SBF2: variants seen among roughly 807,000 people sequenced by gnomAD.
SBF2 encodes SET binding factor 2, also known as myotubularin-related protein 13.
In SBF2, 112 loss-of-function variants were observed where a neutral mutation model predicts 225.2. That is an observed-to-expected ratio of 0.50 (90% CI 0.43 to 0.58). The LOEUF (loss-of-function observed/expected upper bound fraction) is 0.58. Among genes scored for constraint, SBF2 ranks in the 20% least tolerant of loss-of-function variants. The probability of loss-of-function intolerance (pLI) is 0.00; values close to 1 mark genes in which losing one functional copy is unlikely to be tolerated. For missense variants in SBF2, 1,996 were observed against 2,206.2 expected, an observed-to-expected ratio of 0.90 and a Z score of 1.91; for synonymous variants, 763 against 773.3, an observed-to-expected ratio of 0.99 and a Z score of 0.22.
rs546414610 is a variant in SBF2 at position 10,001,133 on chromosome 11, A to C, written c.753-111T>G. The C allele has an allele frequency of 4.6e-5, 31 of 666,744 alleles. No homozygotes were observed. The African/African-American group carries it at 5.3e-4, about 11-fold the overall frequency. The allele number at this position is 666,744 out of a possible 1,614,324, so 41.3% of individuals were successfully genotyped here. On this transcript the variant is annotated intron_variant, in intron 7 of 39. Transcript: ENST00000256190. ...TATTACCTATGTTTAGAAATTATCA[A>C]TAATGTTTTCATGCTTTTTAATACT...
intron 12 of SBF2, among the ~76,000 whole-genome samples, chr11:9,992,036 C>A (rs1318784714): frequency 8.6e-5 from 13 of 152,040 alleles, no homozygotes; most frequent in African/African-American, 2.9e-4. Flanking sequence ...ATATTTTAAA[C>A]AACCATTTTT....
intron 12 of SBF2, 63 bp downstream of exon 12, chr11:9,992,352 T>C: frequency 7.2e-7 from 1 of 1,379,506 alleles, no homozygotes; most frequent in Non-Finnish European, 1.0e-6. Flanking sequence ...ATGTTACTTT[T>C]TACTTTTAAC....
intron 2 of SBF2, among the ~76,000 whole-genome samples, chr11:10,140,061 T>C (rs1289384911): frequency 6.6e-6 from 1 of 152,218 alleles, no homozygotes; most frequent in African/African-American, 2.4e-5. Context: ...GAAATATACA[T>C]TTGGTCTTTG....
intron 13 of SBF2, among the ~76,000 whole-genome samples, chr11:9,970,210 ATTT>A (rs1172096180): frequency 7.2e-6 from 1 of 138,800 alleles, no homozygotes. Context: ...CATATATCCT[ATTT>A]TTTTTTTTTT....
intron 2 of SBF2, among the ~76,000 whole-genome samples, chr11:10,112,072 G>T (rs1203987690): frequency 6.6e-6 from 1 of 152,170 alleles, no homozygotes; most frequent in Non-Finnish European, 1.5e-5. Flanking sequence ...ATCAAAGTAT[G>T]AATAAGACCA....
chr11:10,227,561 C>A (rs562783592), intron 1 of SBF2, among the ~76,000 whole-genome samples: 4 of 152,250 alleles, frequency 2.6e-5, no homozygotes, highest in Admixed American at 2.0e-4. Flanking sequence ...TTTCCCAGCA[C>A]CATTTATTAA....
At chr11:9,981,312 A>G (rs1013252510) in intron 13 of SBF2, among the ~76,000 whole-genome samples, 1 of 152,182 alleles carries the variant, frequency 6.6e-6, no homozygotes, top group Non-Finnish European at 1.5e-5. Flanking sequence ...CAGGGGAGGA[A>G]AGGAGTAGGG....
chr11:9,969,703 C>T (rs575214213), intron 13 of SBF2, among the ~76,000 whole-genome samples: 1 of 152,308 alleles, frequency 6.6e-6, no homozygotes, highest in Non-Finnish European at 1.5e-5. Flanking sequence ...ACTCTCTTCC[C>T]CAACACACTC....
At chr11:10,206,870 T>C (rs1240359303) in intron 1 of SBF2, among the ~76,000 whole-genome samples, 1 of 151,584 alleles carries the variant, frequency 6.6e-6, no homozygotes, top group African/African-American at 2.4e-5. Flanking sequence ...TAACAAAAGA[T>C]CCACTATTCA....
At chr11:10,101,152 G>A (rs1008619509) in intron 2 of SBF2, among the ~76,000 whole-genome samples, 9 of 152,000 alleles carry the variant, frequency 5.9e-5, no homozygotes, top group African/African-American at 2.2e-4. Context: ...GGTCACATTC[G>A]GTGAGCCCTG....
chr11:9,900,615 T>C (rs1861646632), intron 16 of SBF2, among the ~76,000 whole-genome samples: 1 of 152,172 alleles, frequency 6.6e-6, no homozygotes, highest in South Asian at 2.1e-4. Context: ...CATTGCTCCA[T>C]CTGTAAGGGT....
intron 16 of SBF2, among the ~76,000 whole-genome samples, chr11:9,904,383 C>T (rs1307063359): frequency 1.3e-5 from 2 of 152,090 alleles, no homozygotes; most frequent in African/African-American, 4.8e-5. Context: ...TAATAAATAG[C>T]TCAATCTACC....
intron 16 of SBF2, chr11:9,961,512 G>A (rs1866565696): frequency 1.3e-5 from 2 of 153,716 alleles, no homozygotes; most frequent in African/African-American, 4.8e-5. Flanking sequence ...AAGCCAAGTG[G>A]AAATTTTGTT....
chr11:9,795,966 C>A lies in SBF2; in HGVS notation c.4444-9G>T. On this transcript the variant is annotated splice_polypyrimidine_tract_variant and intron_variant, in intron 32 of 39. Transcript: ENST00000256190. ...GGATACTGGTTGTGAACCTGAAACA[C>A]ACAAGGCAAAGAAAAGAGTAAGAAT... The A allele has an allele frequency of 3.1e-6, 5 of 1,612,322 alleles. No homozygotes were observed. The East Asian group carries it at 1.1e-4, about 36-fold the overall frequency.
chr11:10,156,089 C>A (rs545518858), intron 2 of SBF2, among the ~76,000 whole-genome samples: 21 of 152,326 alleles, frequency 1.4e-4, no homozygotes, highest in Admixed American at 5.9e-4. Flanking sequence ...CCCAGGAAGC[C>A]CCCCCTATCC....
chr11:10,302,175 C>T (rs1041411945), intron 1 of SBF2, among the ~76,000 whole-genome samples: 4 of 152,230 alleles, frequency 2.6e-5, no homozygotes, highest in Admixed American at 2.6e-4. Context: ...CATAGAACCA[C>T]TGAACCAGAA....
At position 9,829,450 on chromosome 11, in the gene SBF2, T is replaced by C. The variant is rs748526443; in HGVS notation, c.3699A>G (p.Lys1233=). ...LESSSSIEQE[K]YLQALLNAVS... ...CAGCATTCAGTAAGGCTTGCAAGTA[T>C]TTCTCTTGTTCTATGCTACTGGAAG... Residue 1233 remains lysine, a synonymous_variant, in exon 28 of 40, where the codon AAA becomes AAG. Coordinates refer to ENST00000256190, the MANE Select transcript of SBF2 (RefSeq NM_030962.4). The C allele has an allele frequency of 3.1e-6, 5 of 1,613,528 alleles. No individual in the cohort carries two copies. Among genetic ancestry groups the C allele is most frequent in the African/African-American group, 1.3e-5 (1 of 75,044 alleles).
intron 21 of SBF2, among the ~76,000 whole-genome samples, chr11:9,850,919 T>G (rs2133984194): frequency 6.6e-6 from 1 of 152,266 alleles, no homozygotes; most frequent in South Asian, 2.1e-4. Context: ...ATGGATCACC[T>G]GAGGTCAGGA....
At chr11:10,278,341 T>C (rs1211043815) in intron 1 of SBF2, among the ~76,000 whole-genome samples, 4 of 152,206 alleles carry the variant, frequency 2.6e-5, no homozygotes, top group Non-Finnish European at 5.9e-5. Flanking sequence ...ATGTAAATTA[T>C]GGTAATAACA....
Sources: gnomAD v4.1 joint callset for allele counts (sites outside exome capture counted in the v4.1 genomes callset) on GRCh38, gnomAD v4.1.1 for gene constraint, MANE v1.5 for transcripts, NCBI Gene and HGNC (gene_info 2026-07-23, HGNC 2026-07-21) for gene names.